Variants in TCF20 observed in about 807,000 individuals in gnomAD.
TCF20 encodes transcription factor 20, also known as SPRE-binding protein.
A neutral mutation model predicts 148.6 loss-of-function variants in TCF20; 3 were observed. The ratio of observed to expected loss-of-function variants is 0.02; its 90% CI spans 0.01 to 0.05. The LOEUF (loss-of-function observed/expected upper bound fraction) is 0.05, where lower values mean the gene tolerates loss of function less well. TCF20 is among the 10% of genes least tolerant of loss of function. The pLI, the probability that TCF20 is intolerant of heterozygous loss-of-function variation, is 1.00. For synonymous variants in TCF20, 1,049 were observed against 909.5 expected (o/e 1.15, Z -2.76); for missense variants, 2,350 against 2,429.3 (o/e 0.97, Z 0.69).
intron 2 of TCF20, 117 bp downstream of exon 2, chr22:42,209,534 G>T: frequency 8.4e-7 from 1 of 1,197,086 alleles, no homozygotes; most frequent in Non-Finnish European, 1.2e-6. Flanking sequence ...CCATCACATG[G>T]GCATAGGCAC....
intron 1 of TCF20, among the ~76,000 whole-genome samples, chr22:42,224,204 G>A (rs996758878): frequency 6.6e-6 from 1 of 152,094 alleles, no homozygotes; most frequent in African/African-American, 2.4e-5. Flanking sequence ...AGGCGCAGTG[G>A]CTCACGCCTG....
chr22:42,196,001 G>C (rs929081323), intron 2 of TCF20, among the ~76,000 whole-genome samples: 6 of 152,198 alleles, frequency 3.9e-5, no homozygotes, highest in Non-Finnish European at 8.8e-5. Context: ...TGGTGAGGAC[G>C]ACAATCAGAT....
intron 1 of TCF20, among the ~76,000 whole-genome samples, chr22:42,264,429 T>C (rs1446699330): frequency 6.6e-6 from 1 of 152,166 alleles, no homozygotes; most frequent in African/African-American, 2.4e-5. Context: ...TCTTAGCCTT[T>C]ACAAGGTACC....
At chr22:42,183,872 G>A (rs1188640485) in intron 2 of TCF20, among the ~76,000 whole-genome samples, 1 of 151,510 alleles carries the variant, frequency 6.6e-6, no homozygotes, top group African/African-American at 2.4e-5. Context: ...GGGTTCAAGC[G>A]ATTCCCCTGC....
At chr22:42,324,091 A>ATGGTGGTTATGGTGGTGGTGGTGGTGG (rs1927815387) in intron 1 of TCF20, among the ~76,000 whole-genome samples, 1 of 1,720 alleles carries the variant, frequency 5.8e-4, no homozygotes, top group African/African-American at 2.2e-3. Context: ...GGTGGTGGTG[A>ATGGTGGTTATGGTGGTGGTGGTGGTGG]TGGAGGTTAT....
In TCF20 at chr22:42,215,093, G is replaced by A. The variant is rs149479605; in HGVS notation, c.213C>T (p.Ser71=). The A allele has an allele frequency of 4.3e-4, 688 of 1,614,148 alleles. No homozygotes were observed. The highest frequency in any genetic ancestry group is 5.2e-4 in the Non-Finnish European group (610 of 1,180,026). The stretch of plus-strand genomic sequence containing the variant: ...GGTAACCTTGATGGCCAGAGGTCTC[G>A]CTAGCCATCGCTGCCGCAGCAGCTG... ...GAAAAAAAMA[S]ETSGHQGYQG... Residue 71 remains serine (S), a synonymous_variant, in exon 2 of 6, where the codon AGC becomes AGT. Transcript: ENST00000677622.
chr22:42,163,684 G>A (rs1406279551), intron 5 of TCF20, among the ~76,000 whole-genome samples: 2 of 150,652 alleles, frequency 1.3e-5, no homozygotes, highest in Non-Finnish European at 3.0e-5. Context: ...CTAGGGCATG[G>A]GGTGTGGCTG....
At chr22:42,198,445 C>T (rs1175968776) in intron 2 of TCF20, among the ~76,000 whole-genome samples, 5 of 152,178 alleles carry the variant, frequency 3.3e-5, no homozygotes, top group African/African-American at 1.2e-4. Flanking sequence ...TCTGCCAATA[C>T]CAAACTCCAC....
chr22:42,214,397 T>C lies in TCF20; in HGVS notation c.909A>G (p.Ala303=). ...QPQSMKNFEQ[A]KIPQGTQQGQ... is the part of the protein sequence containing the mutation. ...CCTGTTGGGTCCCTTGTGGAATCTTTGCCTGTTCAAAATTCTTCATAGATT... is the reference window on the plus strand; with the variant it reads ...CCTGTTGGGTCCCTTGTGGAATCTTCGCCTGTTCAAAATTCTTCATAGATT... Residue 303 remains alanine (A), a synonymous_variant, in exon 2 of 6, where the codon GCA becomes GCG. Transcript: ENST00000677622. The C allele has an allele frequency of 6.2e-7, 1 of 1,614,078 alleles. No individual in the cohort carries two copies. Among genetic ancestry groups the C allele is most frequent in the Non-Finnish European group, 8.5e-7 (1 of 1,180,002 alleles).
chr22:42,249,475 G>C (rs529163171), intron 1 of TCF20, among the ~76,000 whole-genome samples: 36 of 152,312 alleles, frequency 2.4e-4, no homozygotes, highest in African/African-American at 8.2e-4. Flanking sequence ...CAATTGAAGA[G>C]ATCTGTGAAA....
intron 1 of TCF20, among the ~76,000 whole-genome samples, chr22:42,245,544 T>C (rs1241573746): frequency 6.6e-6 from 1 of 152,198 alleles, no homozygotes; most frequent in Non-Finnish European, 1.5e-5. Flanking sequence ...AAAACTAACC[T>C]TTCACCATCA....
chr22:42,233,680 G>C (rs1923630719), intron 1 of TCF20, among the ~76,000 whole-genome samples: 1 of 152,200 alleles, frequency 6.6e-6, no homozygotes, highest in Non-Finnish European at 1.5e-5. Flanking sequence ...GGTGAATTAA[G>C]TTGACAATAT....
chr22:42,307,796 A>C (rs2147039082), intron 1 of TCF20, among the ~76,000 whole-genome samples: 1 of 152,160 alleles, frequency 6.6e-6, no homozygotes, highest in South Asian at 2.1e-4. Context: ...CGGTCTCTTC[A>C]CACTCTCCCC....
chr22:42,212,211 T>G lies in TCF20; in HGVS notation c.3095A>C (p.His1032Pro), dbSNP rs758545575. The G allele has an allele frequency of 1.2e-6, 2 of 1,614,112 alleles. No individual in the cohort carries two copies. The highest frequency in any genetic ancestry group is 1.7e-6 in the Non-Finnish European group (2 of 1,180,052). Residue 1032 changes from histidine (H) to proline (P), a missense_variant, in exon 2 of 6, where the codon CAC becomes CCC. Coordinates refer to ENST00000677622, the MANE Select transcript of TCF20 (RefSeq NM_001378418.1). ...TGAAAAGGTCATGTGTGGATTCATG[T>G]GATGAGGGTCTCCCCCTGGGCCTCT... ...RSRGPGGDPHHMNPHMTFSER... is the reference protein window; with the variant it reads ...RSRGPGGDPHPMNPHMTFSER...
intron 1 of TCF20, among the ~76,000 whole-genome samples, chr22:42,324,839 A>G (rs1001371274): frequency 6.6e-6 from 1 of 152,224 alleles, no homozygotes; most frequent in Non-Finnish European, 1.5e-5. Flanking sequence ...GAGTCTTATT[A>G]TCTCCATCTT....
chr22:42,161,158 T>C lies in TCF20; in HGVS notation c.*245A>G, dbSNP rs2147021591. The C allele has an allele frequency of 3.2e-6, 1 of 310,608 alleles. No homozygotes were observed. The highest frequency in any genetic ancestry group is 2.8e-5 in the South Asian group (1 of 35,200). 19.2% of individuals were successfully genotyped at this position (310,608 alleles called of 1,614,324 possible). On this transcript the variant is annotated 3_prime_UTR_variant, in exon 6 of 6. Transcript: ENST00000677622. The stretch of plus-strand genomic sequence containing the variant: ...ATTGTCACTATGGAGATTGTGTCCA[T>C]GGAAACAGCCATTCCAACGTCTTGG...
intron 1 of TCF20, among the ~76,000 whole-genome samples, chr22:42,277,507 G>A (rs960504372): frequency 6.6e-6 from 1 of 152,256 alleles, no homozygotes; most frequent in African/African-American, 2.4e-5. Context: ...ACCACATGGT[G>A]AAGTTGGAGG....
At chr22:42,230,001 C>T (rs796866979) in intron 1 of TCF20, among the ~76,000 whole-genome samples, 3 of 152,350 alleles carry the variant, frequency 2.0e-5, no homozygotes, top group African/African-American at 7.2e-5. Context: ...GACTTCCCTC[C>T]AATCCAGCTT....
upstream of TCF20, among the ~76,000 whole-genome samples, chr22:42,270,926 C>T (rs1290911781): frequency 6.6e-6 from 1 of 151,502 alleles, no homozygotes; most frequent in Non-Finnish European, 1.5e-5. Context: ...CCATCTTGGC[C>T]TGCGCCTCAG....
Sources: gnomAD v4.1 joint callset for allele counts (sites outside exome capture counted in the v4.1 genomes callset) on GRCh38, gnomAD v4.1.1 for gene constraint, MANE v1.5 for transcripts, NCBI Gene and HGNC (gene_info 2026-07-23, HGNC 2026-07-21) for gene names.